The following SLCO1A2 variants were observed in gnomAD, a reference collection of about 807,000 sequenced individuals.
SLCO1A2 encodes OATP-1.
In SLCO1A2, 67 loss-of-function variants were observed where a neutral mutation model predicts 69.0. That is an observed-to-expected ratio of 0.97 (90% confidence interval 0.80 to 1.19). SLCO1A2 has a LOEUF of 1.19. Among genes scored for constraint, SLCO1A2 ranks in the 50% most tolerant of loss-of-function variants. The pLI is 0.00. For missense variants in SLCO1A2, 787 were observed against 793.7 expected (o/e 0.99, Z 0.10); for synonymous variants, 260 against 265.9 (o/e 0.98, Z 0.22).
chr12:21,292,341 C>CA lies in SLCO1A2; in HGVS notation c.1438-6dup. ...ACAGCTGCAATTTTGGAACACCTGC[C>CA]AAAAAATAACATATTATACTAAGAA... On this transcript the variant is annotated splice_polypyrimidine_tract_variant and splice_region_variant and intron_variant, in intron 11 of 14. Coordinates refer to ENST00000683939, the MANE Select transcript of SLCO1A2 (RefSeq NM_001386879.1). 1 of 1,600,092 alleles carries CA rather than the reference C, an allele frequency of 6.2e-7. No individual in the cohort carries two copies. Among genetic ancestry groups the CA allele is most frequent in the Non-Finnish European group, 8.5e-7 (1 of 1,173,966 alleles).
At chr12:21,373,793 C>T (rs1338662401) in intron 2 of SLCO1A2, 3 of 655,620 alleles carry the variant, frequency 4.6e-6, no homozygotes, top group Middle Eastern at 2.4e-4. Context: ...TTAACTAAAG[C>T]ATATATTTTT....
chr12:21,386,465 G>A (rs1321502510), intron 1 of SLCO1A2, among the ~76,000 whole-genome samples: 1 of 151,930 alleles, frequency 6.6e-6, no homozygotes, highest in Non-Finnish European at 1.5e-5. Context: ...TCATGGAGGT[G>A]GGTTATTCCC....
chr12:21,326,541 G>A (rs1952243653), intron 2 of SLCO1A2, among the ~76,000 whole-genome samples: 2 of 152,192 alleles, frequency 1.3e-5, no homozygotes, highest in South Asian at 4.1e-4. Flanking sequence ...CCAAAATGCT[G>A]ATAATGATAT....
At chr12:21,295,830 T>A (rs1416684963) in intron 9 of SLCO1A2, 38 bp from the exon 10 acceptor site, 1 of 1,168,568 alleles carries the variant, frequency 8.6e-7, no homozygotes. Context: ...CAAAATGACT[T>A]ACCAAAGGAA....
chr12:21,369,990 G>A (rs963087074), intron 2 of SLCO1A2, among the ~76,000 whole-genome samples: 9 of 152,086 alleles, frequency 5.9e-5, no homozygotes, highest in African/African-American at 1.7e-4. Flanking sequence ...CCAGCATAAG[G>A]TCACATCTGG....
chr12:21,406,564 A>G (rs1420892566), intron 1 of SLCO1A2, among the ~76,000 whole-genome samples: 1 of 152,208 alleles, frequency 6.6e-6, no homozygotes, highest in Non-Finnish European at 1.5e-5. Flanking sequence ...TTGAATATTT[A>G]TGATGTGCCA....
chr12:21,395,852 C>A (rs1941432302), upstream of SLCO1A2, among the ~76,000 whole-genome samples: 1 of 151,912 alleles, frequency 6.6e-6, no homozygotes, highest in Non-Finnish European at 1.5e-5. Flanking sequence ...GAAAGGACAT[C>A]CACACCAAAA....
intron 2 of SLCO1A2, among the ~76,000 whole-genome samples, chr12:21,359,267 T>C (rs1938621846): frequency 6.6e-6 from 1 of 152,162 alleles, no homozygotes; most frequent in Non-Finnish European, 1.5e-5. Context: ...TTAAACTTGA[T>C]AGACTCTAGG....
upstream of SLCO1A2, among the ~76,000 whole-genome samples, chr12:21,399,200 CA>C (rs1941598060): frequency 7.1e-6 from 1 of 141,230 alleles, no homozygotes; most frequent in African/African-American, 2.7e-5. Context: ...AATCAATGTA[CA>C]AAAATCACAA....
At chr12:21,274,418 T>C (rs1157367155) in intron 14 of SLCO1A2, 51 bp downstream of exon 14, 2 of 1,211,620 alleles carry the variant, frequency 1.7e-6, no homozygotes, top group Non-Finnish European at 2.5e-6. Context: ...GGTGCTGCGT[T>C]ATGCACAGTC....
chr12:21,270,998 T>TTTC (rs1236788298), intron 14 of SLCO1A2, among the ~76,000 whole-genome samples: 1 of 151,822 alleles, frequency 6.6e-6, no homozygotes, highest in East Asian at 1.9e-4. Context: ...CTTCTAAAAT[T>TTTC]TTCTTTTATT....
chr12:21,414,885 T>C (rs564586192), intron 1 of SLCO1A2, among the ~76,000 whole-genome samples: 11 of 152,248 alleles, frequency 7.2e-5, no homozygotes, highest in African/African-American at 2.4e-4. Context: ...TGAATCCTTA[T>C]TATTATTTGA....
In SLCO1A2 at chr12:21,409,848, T is replaced by C. The variant is rs141982237; in HGVS notation, c.-312+8034A>G. The stretch of plus-strand genomic sequence containing the variant: ...CATCAAACACATTATGTGTGTTCTC[T>C]TCACCCCATTACACAAGTTCTTTCA... On this transcript the variant is annotated intron_variant, in intron 1 of 4. Transcript: ENST00000413682. 2.3e-4 allele frequency among the ~76,000 whole-genome samples: 35 copies of C among 152,320 alleles called. No homozygotes were observed. In the East Asian group the frequency reaches 5.6e-3, roughly 24 times the overall value.
chr12:21,330,609 G>A (rs926155174), intron 2 of SLCO1A2, among the ~76,000 whole-genome samples: 1 of 152,124 alleles, frequency 6.6e-6, no homozygotes, highest in African/African-American at 2.4e-5. Context: ...AACTGAAGCA[G>A]TAGGGCACAG....
Position 21,412,254 on chromosome 12 carries a change from G to A in SLCO1A2, c.-312+5628C>T, listed in dbSNP as rs781274321. On this transcript the variant is annotated intron_variant, in intron 1 of 4. Coordinates refer to the SLCO1A2 transcript ENST00000413682. ...AAATTAGCTGGGCATGGTGGCGGGC[G>A]CCTGTAGTCCCTGCTACTTGGGAGG... is the stretch of plus-strand genomic sequence containing the variant. Among the ~76,000 whole-genome samples, 25 of 151,998 alleles carry A rather than the reference G, an allele frequency of 1.6e-4. No homozygotes were observed. The East Asian group carries it at 2.7e-3, about 17-fold the overall frequency.
At chr12:21,394,936 TAGC>T (rs1941362397) in exon 1 of SLCO1A2, 1 of 152,204 alleles carries the variant, frequency 6.6e-6, no homozygotes, top group Non-Finnish European at 1.5e-5. Flanking sequence ...GATAGTAACA[TAGC>T]AGGCACTTCA....
chr12:21,319,352 A>G, intron 2 of SLCO1A2: 1 of 1,368,222 alleles, frequency 7.3e-7, no homozygotes, highest in Non-Finnish European at 9.8e-7. Flanking sequence ...TCTCTGCAGG[A>G]CAATAGGTCC....
intron 2 of SLCO1A2, among the ~76,000 whole-genome samples, chr12:21,369,016 TGTGTGG>T (rs1939594964): frequency 6.6e-6 from 1 of 152,096 alleles, no homozygotes; most frequent in African/African-American, 2.4e-5. Flanking sequence ...TAGTTAAAAC[TGTGTGG>T]AGAGCAAAAT....
intron 12 of SLCO1A2, among the ~76,000 whole-genome samples, chr12:21,290,899 G>A (rs952383012): frequency 4.6e-5 from 7 of 152,030 alleles, no homozygotes; most frequent in African/African-American, 1.4e-4. Context: ...GAAGATAATT[G>A]TATCATATAA....
Sources: gnomAD v4.1 joint callset for allele counts (sites outside exome capture counted in the v4.1 genomes callset) on GRCh38, gnomAD v4.1.1 for gene constraint, MANE v1.5 for transcripts, NCBI Gene and HGNC (gene_info 2026-07-23, HGNC 2026-07-21) for gene names.